Variants in ACTR3C observed in about 807,000 individuals in gnomAD.
ACTR3C encodes actin related protein 3C.
ACTR3C carries 18 observed loss-of-function variants against 26.3 expected under a neutral mutation model. The observed-to-expected ratio is 0.68, with a 90% CI of 0.47 to 1.01. The LOEUF is 1.01. ACTR3C is among the 50% of genes least tolerant of loss of function. The pLI, the probability that ACTR3C is intolerant of heterozygous loss-of-function variation, is 0.00. For missense variants in ACTR3C, 184 were observed against 250.7 expected, an observed-to-expected ratio of 0.73 and a Z score of 1.80; for synonymous variants, 55 against 94.5, an observed-to-expected ratio of 0.58 and a Z score of 2.42.
chr7:150,177,443 T>C, the ACTR3C span, among the ~76,000 whole-genome samples: 3 of 150,768 alleles, frequency 2.0e-5, no homozygotes, highest in Non-Finnish European at 4.4e-5. Context: ...AGTAAACATT[T>C]TTAATGATAG....
the ACTR3C span, among the ~76,000 whole-genome samples, chr7:150,141,133 G>A: frequency 2.0e-5 from 3 of 152,266 alleles, no homozygotes; most frequent in African/African-American, 7.2e-5. Flanking sequence ...ATTGGCTCAT[G>A]AGGTTTAAGG....
the ACTR3C span, among the ~76,000 whole-genome samples, chr7:150,036,097 G>A: frequency 5.6e-5 from 8 of 141,822 alleles, no homozygotes; most frequent in African/African-American, 1.8e-4. Context: ...CCCTGCGATG[G>A]GGGTGCAAAG....
At chr7:150,255,050 G>A (rs1206703794) in intron 6 of ACTR3C, among the ~76,000 whole-genome samples, 1 of 151,926 alleles carries the variant, frequency 6.6e-6, no homozygotes, top group Non-Finnish European at 1.5e-5. Context: ...AGCCTGTGGT[G>A]TCTGAGTTCA....
the ACTR3C span, among the ~76,000 whole-genome samples, chr7:150,107,351 A>G: frequency 6.6e-6 from 1 of 151,890 alleles, no homozygotes; most frequent in South Asian, 2.1e-4. Flanking sequence ...TGAAGAAGAC[A>G]CAGGGGGACA....
the ACTR3C span, among the ~76,000 whole-genome samples, chr7:149,977,393 T>C: frequency 2.6e-5 from 4 of 152,250 alleles, no homozygotes; most frequent in African/African-American, 9.6e-5. Flanking sequence ...TTGCAAGCTT[T>C]TCACATCAAG....
At chr7:150,156,338 T>C in the ACTR3C span, among the ~76,000 whole-genome samples, 7 of 152,066 alleles carry the variant, frequency 4.6e-5, no homozygotes, top group African/African-American at 1.7e-4. Flanking sequence ...AAGAAAGTAA[T>C]CTTGAATATG....
chr7:149,918,218 G>T, the ACTR3C span, among the ~76,000 whole-genome samples: 1 of 151,702 alleles, frequency 6.6e-6, no homozygotes, highest in Non-Finnish European at 1.5e-5. Context: ...AAAGCACACT[G>T]CCCTTTTGTG....
chr7:150,293,694 G>T, intron 2 of ACTR3C, among the ~76,000 whole-genome samples: 1 of 152,236 alleles, frequency 6.6e-6, no homozygotes, highest in Admixed American at 6.5e-5. Context: ...CCAACACTTT[G>T]GGAGGCCAAG....
the ACTR3C span, among the ~76,000 whole-genome samples, chr7:150,235,444 C>G: frequency 2.0e-5 from 3 of 152,208 alleles, no homozygotes; most frequent in Non-Finnish European, 4.4e-5. Context: ...GTAGCTGTTG[C>G]TTTCAACACC....
chr7:149,917,303 A>G, the ACTR3C span, among the ~76,000 whole-genome samples: 4 of 151,986 alleles, frequency 2.6e-5, no homozygotes, highest in African/African-American at 9.7e-5. Flanking sequence ...TCAAACTCCC[A>G]ACCTTAGGTG....
chr7:150,191,310 T>C, the ACTR3C span, among the ~76,000 whole-genome samples: 29 of 152,340 alleles, frequency 1.9e-4, no homozygotes, highest in South Asian at 2.3e-3. Context: ...TTGGGGATAA[T>C]TGACATCTTA....
chr7:150,320,763 C>CAAAACA (rs988902362), intron 1 of ACTR3C, among the ~76,000 whole-genome samples: 2 of 152,036 alleles, frequency 1.3e-5, no homozygotes, highest in South Asian at 4.2e-4. Flanking sequence ...ACTCCATCTC[C>CAAAACA]AAAACAAAAA....
At chr7:149,881,858 C>G in the ACTR3C span, 1 of 152,864 alleles carries the variant, frequency 6.5e-6, no homozygotes, top group Non-Finnish European at 1.5e-5. Context: ...GTTGAGGTAA[C>G]ACAGACCCCC....
At chr7:150,161,130 C>G in the ACTR3C span, among the ~76,000 whole-genome samples, 1 of 148,918 alleles carries the variant, frequency 6.7e-6, no homozygotes, top group Non-Finnish European at 1.5e-5. Flanking sequence ...CCTGAGCTGC[C>G]AAACACTTCA....
chr7:150,088,118 C>T, the ACTR3C span, among the ~76,000 whole-genome samples: 1 of 152,204 alleles, frequency 6.6e-6, no homozygotes, highest in South Asian at 2.1e-4. Flanking sequence ...AAAGTGTTCT[C>T]CCATTCTATG....
the ACTR3C span, among the ~76,000 whole-genome samples, chr7:150,194,867 G>A: frequency 6.6e-6 from 1 of 152,062 alleles, no homozygotes; most frequent in South Asian, 2.1e-4. Flanking sequence ...GCCAAGGCAG[G>A]CAGATGACCT....
At chr7:150,040,876 A>G in the ACTR3C span, among the ~76,000 whole-genome samples, 1 of 148,832 alleles carries the variant, frequency 6.7e-6, no homozygotes, top group Admixed American at 6.6e-5. Flanking sequence ...ACCACCACGA[A>G]ATGGGAGGCC....
At chr7:150,080,938 C>A in the ACTR3C span, among the ~76,000 whole-genome samples, 1 of 152,146 alleles carries the variant, frequency 6.6e-6, no homozygotes, top group Non-Finnish European at 1.5e-5. Context: ...AATAATAACA[C>A]CATCTTTAGA....
the ACTR3C span, among the ~76,000 whole-genome samples, chr7:150,141,603 C>T: frequency 0.24 from 35,787 of 151,618 alleles, 5,948 homozygotes; most frequent in African/African-American, 0.48. Context: ...CGGATGGGAA[C>T]GGAGAGGAGG....
Sources: allele counts gnomAD v4.1 joint callset (sites outside exome capture counted in the v4.1 genomes callset), GRCh38; gene constraint gnomAD v4.1.1; transcripts MANE v1.5; gene names NCBI Gene and HGNC (gene_info 2026-07-23, HGNC 2026-07-21).